Variants in TMEM232 observed in about 807,000 individuals in gnomAD.
TMEM232 encodes the protein transmembrane protein 232.
A neutral mutation model predicts 78.8 loss-of-function variants in TMEM232; 80 were observed. The observed-to-expected ratio is 1.01, with a 90% confidence interval of 0.85 to 1.22. The LOEUF (loss-of-function observed/expected upper bound fraction) is 1.22, where lower values mean the gene tolerates loss of function less well. Ranked by LOEUF, TMEM232 falls within the 50% of genes most tolerant of loss-of-function variation. The pLI, the probability that TMEM232 is intolerant of heterozygous loss-of-function variation, is 0.00. For missense variants in TMEM232, 881 were observed against 742.2 expected (o/e 1.19, Z -2.17); for synonymous variants, 297 against 254.3 (o/e 1.17, Z -1.60).
At chr5:110,441,784 A>G (rs1759072005) in intron 12 of TMEM232, among the ~76,000 whole-genome samples, 1 of 152,184 alleles carries the variant, frequency 6.6e-6, no homozygotes, top group Non-Finnish European at 1.5e-5. Context: ...ACAGTTTACA[A>G]ATAACTAAAT....
At chr5:110,628,344 G>C (rs545048606) in intron 5 of TMEM232, among the ~76,000 whole-genome samples, 48 of 152,168 alleles carry the variant, frequency 3.2e-4, no homozygotes, top group African/African-American at 1.1e-3. Flanking sequence ...TGTCAAAACA[G>C]TTTGAGAACC....
chr5:110,591,417 T>C (rs73224370), intron 10 of TMEM232, among the ~76,000 whole-genome samples: 6,852 of 152,208 alleles, frequency 0.045, 555 homozygotes, highest in African/African-American at 0.16. Flanking sequence ...ATGTACCTTA[T>C]ACATAAATAA....
At chr5:110,629,704 T>C (rs1289225926) in intron 5 of TMEM232, among the ~76,000 whole-genome samples, 1 of 152,164 alleles carries the variant, frequency 6.6e-6, no homozygotes, top group Non-Finnish European at 1.5e-5. Context: ...GGCTGGATAA[T>C]ATTTATCATG....
chr5:110,533,448 C>CT (rs1771854622), intron 11 of TMEM232, among the ~76,000 whole-genome samples: 1 of 152,218 alleles, frequency 6.6e-6, no homozygotes, highest in Non-Finnish European at 1.5e-5. Flanking sequence ...ACAACTTGGA[C>CT]TTACTGTTTT....
intron 12 of TMEM232, among the ~76,000 whole-genome samples, chr5:110,487,516 G>C (rs184338): frequency 0.17 from 25,589 of 151,884 alleles, 5,705 homozygotes; most frequent in African/African-American, 0.52. Flanking sequence ...GTTTTCATTG[G>C]AAAGCGATAC....
At chr5:110,414,589 T>C (rs1756118718), downstream of TMEM232, among the ~76,000 whole-genome samples, 1 of 152,254 alleles carries the variant, frequency 6.6e-6, no homozygotes. Flanking sequence ...CTCCCTCTGC[T>C]GGTTTTCTTG....
At chr5:110,720,896 A>C (rs1797522753) in intron 1 of TMEM232, 1 of 152,140 alleles carries the variant, frequency 6.6e-6, no homozygotes, top group Non-Finnish European at 1.5e-5. Context: ...AATATAAGAG[A>C]AAATTAAATT....
At chr5:110,434,214 G>A (rs1238687986) in intron 12 of TMEM232, among the ~76,000 whole-genome samples, 1 of 149,016 alleles carries the variant, frequency 6.7e-6, no homozygotes, top group Non-Finnish European at 1.5e-5. Context: ...ATTATTGATA[G>A]ACTGCTAACT....
rs979672804 is a variant in TMEM232 at position 110,703,909 on chromosome 5, T to C, written c.-13+22718A>G. Among the ~76,000 whole-genome samples the C allele has an allele frequency of 2.3e-4, 35 of 152,058 alleles. 1 individual carries two copies. ...TTCAAATTACTCGGCCCAAGTCTCT[T>C]CCATTGGTTTTAGTTAACCTAAGAG... On this transcript the variant is annotated intron_variant, in intron 1 of 13. Coordinates refer to ENST00000455884, the MANE Select transcript of TMEM232 (RefSeq NM_001039763.4).
intron 12 of TMEM232, among the ~76,000 whole-genome samples, chr5:110,483,636 T>G (rs917647477): frequency 6.6e-6 from 1 of 151,906 alleles, no homozygotes; most frequent in East Asian, 1.9e-4. Context: ...CATTAGGAGA[T>G]ATACCTAATG....
At chr5:110,514,028 C>T (rs779761564) in intron 12 of TMEM232, 1 of 168,154 alleles carries the variant, frequency 5.9e-6, no homozygotes, top group African/African-American at 2.4e-5. Context: ...TGATCCAACC[C>T]ATTTATTTAA....
At chr5:110,680,298 G>A (rs1792559634) in intron 1 of TMEM232, among the ~76,000 whole-genome samples, 1 of 150,854 alleles carries the variant, frequency 6.6e-6, no homozygotes, top group Non-Finnish European at 1.5e-5. Context: ...TCGGGAGGCT[G>A]AGGCATGAGA....
chr5:110,596,749 G>A (rs1021999023), intron 10 of TMEM232, among the ~76,000 whole-genome samples: 9 of 152,006 alleles, frequency 5.9e-5, no homozygotes, highest in African/African-American at 1.9e-4. Flanking sequence ...TATAAACAGA[G>A]CCAAAGACAA....
At chr5:110,536,078 T>C (rs1772308452) in intron 11 of TMEM232, among the ~76,000 whole-genome samples, 1 of 152,212 alleles carries the variant, frequency 6.6e-6, no homozygotes, top group East Asian at 1.9e-4. Flanking sequence ...TTTCCCCTTT[T>C]GCTATCTGCT....
chr5:110,500,832 C>T (rs975224536), intron 12 of TMEM232, among the ~76,000 whole-genome samples: 2 of 152,118 alleles, frequency 1.3e-5, no homozygotes, highest in Admixed American at 6.6e-5. Context: ...CTGGAACAGC[C>T]ACTTACAGAG....
chr5:110,449,955 T>C (rs1478748032), intron 12 of TMEM232, among the ~76,000 whole-genome samples: 2 of 152,280 alleles, frequency 1.3e-5, no homozygotes, highest in Middle Eastern at 6.8e-3. Context: ...TCATGTTAAA[T>C]TGTAACTCCC....
chr5:110,410,812 A>T (rs1755968578), intron 2 of TMEM232, among the ~76,000 whole-genome samples: 2 of 152,136 alleles, frequency 1.3e-5, no homozygotes, highest in Non-Finnish European at 2.9e-5. Context: ...AACTGGTTTG[A>T]GTTTGCATTG....
At chr5:110,632,497 A>G (rs955747968) in intron 5 of TMEM232, among the ~76,000 whole-genome samples, 3 of 152,182 alleles carry the variant, frequency 2.0e-5, no homozygotes, top group African/African-American at 7.2e-5. Flanking sequence ...AAAATAATAC[A>G]AAAAGTCAGA....
chr5:110,391,183 TA>T (rs1755165888), intron 3 of TMEM232, among the ~76,000 whole-genome samples: 2 of 152,142 alleles, frequency 1.3e-5, no homozygotes, highest in African/African-American at 2.4e-5. Flanking sequence ...GTCCTGAGGC[TA>T]ATAAGCATGG....
Sources: allele counts gnomAD v4.1 joint callset (sites outside exome capture counted in the v4.1 genomes callset), GRCh38; gene constraint gnomAD v4.1.1; transcripts MANE v1.5; gene names NCBI Gene and HGNC (gene_info 2026-07-23, HGNC 2026-07-21).